Variants in DMKN observed in about 807,000 individuals in gnomAD.
DMKN encodes the protein epidermis-specific secreted protein SK30/SK89.
DMKN carries 58 observed loss-of-function variants against 67.6 expected under a neutral mutation model. The ratio of observed to expected loss-of-function variants is 0.86; its 90% CI spans 0.69 to 1.07. DMKN has a LOEUF of 1.07. Among genes scored for constraint, DMKN ranks in the 50% least tolerant of loss-of-function variants. The pLI is 0.00. For missense variants in DMKN, 596 were observed against 601.5 expected, an observed-to-expected ratio of 0.99 and a Z score of 0.10; for synonymous variants, 240 against 232.3, an observed-to-expected ratio of 1.03 and a Z score of -0.30.
intron 1 of DMKN, 52 bp downstream of exon 1, chr19:35,512,998 G>A (rs2071071892): frequency 2.2e-5 from 36 of 1,601,244 alleles, no homozygotes; most frequent in Non-Finnish European, 3.0e-5. Flanking sequence ...AAGAATCTCA[G>A]CCCAGCAGCC....
At chr19:35,509,767 G>C (rs1293729046) in intron 7 of DMKN, 144 bp downstream of exon 7, 1 of 882,384 alleles carries the variant, frequency 1.1e-6, no homozygotes, top group Non-Finnish European at 1.8e-6. Context: ...ATTTTTAGGA[G>C]TGCATTTGGT....
rs2069498557 is a variant in DMKN, at chr19:35,506,272, C to T, written c.1039-286G>A. 3.7e-6 allele frequency: 5 copies of T among 1,353,944 alleles called. 1 individual carries two copies. In the East Asian group the frequency reaches 1.0e-4, roughly 27 times the overall value. The allele number at this position is 1,353,944 out of a possible 1,614,324, so 83.9% of individuals were successfully genotyped here. On this transcript the variant is annotated intron_variant, in intron 7 of 15. Transcript: ENST00000339686. The stretch of plus-strand genomic sequence containing the variant: ...GTCAACCTGCCCCGGATTGCTTCAT[C>T]CCCACCTCGGTCCAGGCTTCCTGTC...
At position 35,498,902 on chromosome 19, in the gene DMKN, A is replaced by T; in HGVS notation, c.1360-5T>A. The T allele has an allele frequency of 3.1e-6, 5 of 1,614,128 alleles. No homozygotes were observed. Among genetic ancestry groups the T allele is most frequent in the Non-Finnish European group, 4.2e-6 (5 of 1,180,006 alleles). ...GGAAGAAGGTGAGACTCCCCCCTGCAAAAAGATCAAAGGAAAGTGATGTGG... is the reference window on the plus strand; with the variant it reads ...GGAAGAAGGTGAGACTCCCCCCTGCTAAAAGATCAAAGGAAAGTGATGTGG... On this transcript the variant is annotated splice_polypyrimidine_tract_variant and splice_region_variant and intron_variant, in intron 13 of 15. Coordinates refer to ENST00000339686, the MANE Select transcript of DMKN (RefSeq NM_033317.5).
intron 7 of DMKN, among the ~76,000 whole-genome samples, chr19:35,509,260 T>C (rs2070231770): frequency 8.0e-6 from 1 of 125,270 alleles, no homozygotes; most frequent in Admixed American, 7.7e-5. Context: ...GGGTTACAAA[T>C]GGGAAGAAAT....
At chr19:35,512,274 A>G in intron 3 of DMKN, 147 bp downstream of exon 3, 2 of 1,087,606 alleles carry the variant, frequency 1.8e-6, no homozygotes, top group Admixed American at 5.6e-5. Flanking sequence ...CTGGGATTAC[A>G]GGTGTGAGCC....
At chr19:35,498,572 C>G in intron 15 of DMKN, 144 bp downstream of exon 15, 1 of 1,168,730 alleles carries the variant, frequency 8.6e-7, no homozygotes, top group Non-Finnish European at 1.2e-6. Context: ...TCCTTATCAC[C>G]TTTAGAGCAC....
intron 7 of DMKN, chr19:35,508,538 A>G (rs551556690): frequency 1.5e-5 from 4 of 259,174 alleles, no homozygotes; most frequent in Non-Finnish European, 2.9e-5. Context: ...ATACTAAGGT[A>G]TTTACAAGAG....
chr19:35,513,445 G>A lies in DMKN; in HGVS notation c.31C>T (p.Leu11=). 6.2e-7 allele frequency: 1 copy of A among 1,601,330 alleles called. No homozygotes were observed. Among genetic ancestry groups the A allele is most frequent in the Non-Finnish European group, 8.5e-7 (1 of 1,179,794 alleles). MKFQGPLACL[L]LALCLGSGEA... The stretch of plus-strand genomic sequence containing the variant: ...CCACTGCCCAGGCAGAGGGCCAGCA[G>A]GAGGCAGGCCAGGGGCCCCTGGAAC... The change falls in exon 1 of 16, where the codon CTG becomes TTG. Residue 11 remains leucine, a synonymous_variant. Transcript: ENST00000339686.
At chr19:35,504,553 G>A (rs1457348698) in intron 9 of DMKN, among the ~76,000 whole-genome samples, 1 of 150,174 alleles carries the variant, frequency 6.7e-6, no homozygotes, top group South Asian at 2.1e-4. Context: ...ACTCCAACCT[G>A]GGTGACAGAG....
At chr19:35,512,101 G>A (rs2070944109) in intron 3 of DMKN, among the ~76,000 whole-genome samples, 1 of 149,726 alleles carries the variant, frequency 6.7e-6, no homozygotes, top group African/African-American at 2.5e-5. Flanking sequence ...AGGTTCAAGT[G>A]ATTCTCCTGC....
chr19:35,511,429 G>T lies in DMKN; in HGVS notation c.900C>A (p.Ser300Arg). Residue 300 changes from serine (S) to arginine (R), a missense_variant, in exon 5 of 16, where the codon AGC becomes AGA. By Grantham distance (110) the Ser-to-Arg change is moderately radical. Transcript: ENST00000339686. The part of the protein sequence containing the change: ...SGNSGGSRGD[S>R]GSESSWGSST... ...AACTCACCCAGGAGGACTCACTGCC[G>T]CTGTCACCTCTGCTGCCACCACTGT... The T allele has an allele frequency of 1.3e-6, 2 of 1,588,578 alleles. No homozygotes were observed.
intron 7 of DMKN, chr19:35,506,629 G>C (rs539366131): frequency 4.4e-6 from 2 of 455,528 alleles, no homozygotes; most frequent in African/African-American, 4.0e-5. Context: ...TCATTTTACT[G>C]GAGGAAGCTC....
At chr19:35,508,585 G>A in intron 7 of DMKN, 1 of 193,054 alleles carries the variant, frequency 5.2e-6, no homozygotes, top group Non-Finnish European at 1.1e-5. Context: ...TTGAATACAT[G>A]GGAATGGGAA....
intron 7 of DMKN, chr19:35,508,229 T>C: frequency 1.3e-6 from 2 of 1,552,228 alleles, no homozygotes; most frequent in Non-Finnish European, 1.7e-6. Context: ...AAACTCCCTG[T>C]CCTCTGAAGC....
At chr19:35,501,420 ACAT>A (rs2068339058) in intron 11 of DMKN, among the ~76,000 whole-genome samples, 1 of 152,340 alleles carries the variant, frequency 6.6e-6, no homozygotes, top group East Asian at 1.9e-4. Flanking sequence ...TCTTCGTGAA[ACAT>A]CAGACAACAC....
chr19:35,503,450 G>A, intron 9 of DMKN: 1 of 1,548,334 alleles, frequency 6.5e-7, no homozygotes. Flanking sequence ...CTCTGGTCCT[G>A]GGCAAAGAAA....
intron 3 of DMKN, 100 bp from the exon 4 acceptor site, chr19:35,511,913 G>A (rs2070897677): frequency 6.6e-6 from 9 of 1,356,244 alleles, no homozygotes; most frequent in Admixed American, 2.6e-5. Context: ...TTTGGGGCTT[G>A]GCTTCCTTTC....
rs1224858984 is a variant in DMKN, at chr19:35,512,415, T to C, written c.684+6A>G. On this transcript the variant is annotated splice_donor_region_variant and intron_variant, in intron 3 of 15. Transcript: ENST00000339686. ...TCTTCATTTGTTCCCAGCCCCTTCC[T>C]CTTACCCCTTCATTCTGGTTGCTGG... The C allele has an allele frequency of 1.1e-5, 18 of 1,614,020 alleles. No individual in the cohort carries two copies. The highest frequency in any genetic ancestry group is 1.7e-4 in the Middle Eastern group (1 of 6,056).
intron 9 of DMKN, among the ~76,000 whole-genome samples, chr19:35,504,228 C>A (rs2068995458): frequency 6.6e-6 from 1 of 152,022 alleles, no homozygotes; most frequent in African/African-American, 2.4e-5. Context: ...CCCATCAGAC[C>A]CTAAGTTCCC....
Sources: gnomAD v4.1 joint callset for allele counts (sites outside exome capture counted in the v4.1 genomes callset) on GRCh38, gnomAD v4.1.1 for gene constraint, MANE v1.5 for transcripts, NCBI Gene and HGNC (gene_info 2026-07-23, HGNC 2026-07-21) for gene names.